Variants in PRSS56 observed in about 807,000 individuals in gnomAD.
PRSS56 encodes protease, serine 56.
PRSS56 carries 55 observed loss-of-function variants against 66.8 expected under a neutral mutation model. The observed-to-expected ratio is 0.82, with a 90% CI of 0.66 to 1.03. The LOEUF is 1.03. PRSS56 is among the 50% of genes least tolerant of loss of function. The probability of loss-of-function intolerance (pLI) is 0.00; values close to 1 mark genes in which losing one functional copy is unlikely to be tolerated. For synonymous variants in PRSS56, 409 were observed against 387.9 expected (o/e 1.05, Z -0.64); for missense variants, 869 against 837.2 (o/e 1.04, Z -0.47).
In PRSS56 at chr2:232,524,023, C is replaced by A. The variant is rs1378774249; in HGVS notation, c.1187-16C>A. 2 of 1,525,652 alleles carry A rather than the reference C, an allele frequency of 1.3e-6. No individual in the cohort carries two copies. Among genetic ancestry groups the A allele is most frequent in the African/African-American group, 1.4e-5 (1 of 71,214 alleles). The allele number at this position is 1,525,652 out of a possible 1,614,324, so 94.5% of individuals were successfully genotyped here. ...CCAGCCTCTGACCGCCGCTCCGACT[C>A]CTGTCCGGTCCGCAGAGCTGCGCTC... On this transcript the variant is annotated splice_polypyrimidine_tract_variant and intron_variant, in intron 9 of 12. Transcript: ENST00000617714.
Position 232,522,685 on chromosome 2 carries a change from C to T in PRSS56, c.547-17C>T, listed in dbSNP as rs1691308096. ...CACCCGTGCTTCCTTGACCCTGCGC[C>T]GCCTCCCCCTCCTCAGTTTGACCCG... On this transcript the variant is annotated splice_polypyrimidine_tract_variant and intron_variant, in intron 5 of 12. Transcript: ENST00000617714. 3 of 1,533,544 alleles carry T rather than the reference C, an allele frequency of 2.0e-6. No homozygotes were observed. The highest frequency in any genetic ancestry group is 2.6e-6 in the Non-Finnish European group (3 of 1,145,494). 95.0% of individuals were successfully genotyped at this position (1,533,544 alleles called of 1,614,324 possible).
Position 232,522,024 on chromosome 2 carries a change from C to A in PRSS56, c.310C>A (p.Arg104Ser). Residue 104 changes from arginine to serine, a missense_variant, in exon 4 of 13, where the codon CGC becomes AGC. Coordinates refer to ENST00000617714, the MANE Select transcript of PRSS56 (RefSeq NM_001195129.2). ...STANVTRAHG[R>S]IVGGSAAPPG... ...TGCCAATGTGACGCGGGCCCACGGCCGCATCGTGGGGGGCAGCGCGGCGCC... is the reference window on the plus strand; with the variant it reads ...TGCCAATGTGACGCGGGCCCACGGCAGCATCGTGGGGGGCAGCGCGGCGCC... The A allele has an allele frequency of 1.4e-6, 2 of 1,457,836 alleles. No homozygotes were observed. Among genetic ancestry groups the A allele is most frequent in the Non-Finnish European group, 1.8e-6 (2 of 1,111,790 alleles). 90.3% of individuals were successfully genotyped at this position (1,457,836 alleles called of 1,614,324 possible). A position where few individuals can be genotyped will look rare whatever the true frequency, so the allele number is the denominator to read the frequency against.
At chr2:232,524,242 G>GCCCCA in intron 10 of PRSS56, 39 bp downstream of exon 10, 2 of 1,534,244 alleles carry the variant, frequency 1.3e-6, no homozygotes, top group Non-Finnish European at 1.7e-6. Context: ...CCCTGGCCCG[G>GCCCCA]CCCCACCCGC....
chr2:232,521,779 G>A, intron 2 of PRSS56, 37 bp from the exon 3 acceptor site: 1 of 1,533,412 alleles, frequency 6.5e-7, no homozygotes, highest in East Asian at 2.4e-5. Context: ...ACAGGCGAGA[G>A]GGCAGCAGTG....
intron 6 of PRSS56, 42 bp downstream of exon 6, chr2:232,522,903 G>T: frequency 6.9e-7 from 1 of 1,449,664 alleles, no homozygotes; most frequent in Non-Finnish European, 9.1e-7. Context: ...GGAAGAACTG[G>T]GGGTCCGAGG....
chr2:232,521,840 C>T lies in PRSS56; in HGVS notation c.230C>T (p.Ala77Val). The change falls in exon 3 of 13, where the codon GCT (alanine) becomes GTT (valine). Residue 77 changes from alanine (A) to valine (V), a missense_variant. Coordinates refer to ENST00000617714, the MANE Select transcript of PRSS56 (RefSeq NM_001195129.2). ...GGATCTGGGCGCCCCAGGCCTCAAG[C>T]TCTCCTCCAGGACCCACCTGAGCCA... ...CRGSGRPRPQ[A>V]LLQDPPEPGP... 1.3e-6 allele frequency: 2 copies of T among 1,536,078 alleles called. No homozygotes were observed. Among genetic ancestry groups the T allele is most frequent in the Non-Finnish European group, 1.7e-6 (2 of 1,146,854 alleles).
Position 232,525,326 on chromosome 2 carries a change from G to C in PRSS56, c.1632G>C (p.Pro544=). 1.3e-6 allele frequency: 2 copies of C among 1,527,644 alleles called. No homozygotes were observed. Among genetic ancestry groups the C allele is most frequent in the Admixed American group, 2.0e-5 (1 of 50,644 alleles). 94.6% of individuals were successfully genotyped at this position (1,527,644 alleles called of 1,614,324 possible). Residue 544 remains proline (P), a synonymous_variant, in exon 13 of 13, where the codon CCG becomes CCC. Coordinates refer to ENST00000617714, the MANE Select transcript of PRSS56 (RefSeq NM_001195129.2). The part of the protein sequence containing the change: ...VAFSGLVGLE[P]ATLARSLPRL... ...TCAGCGGCCTGGTGGGCCTGGAGCC[G>C]GCCACACTGGCTCGCAGCCTCCCCC...
chr2:232,520,492 C>T lies in PRSS56; in HGVS notation c.-107C>T, dbSNP rs2741294. On this transcript the variant is annotated 5_prime_UTR_variant, in exon 1 of 13. Coordinates refer to ENST00000617714, the MANE Select transcript of PRSS56 (RefSeq NM_001195129.2). ...ATTTGAGGGACAAGAATTCAGTGCC[C>T]GGGGGCCGAAAGGCAGCAGAAGGCG... The T allele has an allele frequency of 0.25, 218,084 of 864,374 alleles. 29,660 individuals carry two copies. Among genetic ancestry groups the T allele is most frequent in the East Asian group, 0.46 (17,325 of 37,596 alleles). The allele number at this position is 864,374 out of a possible 1,614,324, so 53.5% of individuals were successfully genotyped here.
intron 1 of PRSS56, 115 bp from the exon 2 acceptor site, chr2:232,521,206 T>C: frequency 1.7e-5 from 13 of 783,684 alleles, no homozygotes; most frequent in Non-Finnish European, 2.5e-5. Flanking sequence ...ACTTGCCTCC[T>C]CATTCTGTCC....
chr2:232,524,432 G>A (rs1691366563), intron 11 of PRSS56, 63 bp downstream of exon 11: 1 of 1,475,430 alleles, frequency 6.8e-7, no homozygotes, highest in South Asian at 1.3e-5. Context: ...GAGGTCGGAA[G>A]CGCTTCTACT....
chr2:232,520,985 C>T (rs935117759), intron 1 of PRSS56, among the ~76,000 whole-genome samples: 2 of 152,122 alleles, frequency 1.3e-5, no homozygotes, highest in African/African-American at 2.4e-5. Context: ...CTGTCCCGGC[C>T]GAAGGTGGGC....
Position 232,523,083 on chromosome 2 carries a change from A to G in PRSS56, c.730A>G (p.Arg244Gly). The change falls in exon 7 of 13, where the codon AGA becomes GGA. Residue 244 changes from arginine to glycine, a missense_variant. This residue lies in a region of PRSS56 where 551 missense variants were observed against 506.9 expected (regional missense o/e 1.09). Transcript: ENST00000617714. ...AGACGGGCCTGAGGCTGAAGCAGTG[A>G]GAGAGGCCCGTGTTCCCCTGCTCAG... ...FEDGPEAEAV[R>G]EARVPLLSTD... 3.9e-6 allele frequency: 6 copies of G among 1,535,058 alleles called. No individual in the cohort carries two copies. The highest frequency in any genetic ancestry group is 5.2e-6 in the Non-Finnish European group (6 of 1,146,316).
chr2:232,520,963 C>G (rs946602030), intron 1 of PRSS56, among the ~76,000 whole-genome samples: 1 of 152,196 alleles, frequency 6.6e-6, no homozygotes, highest in Non-Finnish European at 1.5e-5. Flanking sequence ...CGGGGCAGCA[C>G]CCTGCCCTTG....
Position 232,520,498 on chromosome 2 carries a change from C to T in PRSS56, c.-101C>T. On this transcript the variant is annotated 5_prime_UTR_variant, in exon 1 of 13. Transcript: ENST00000617714. Reference sequence around the variant, plus strand: ...GGGACAAGAATTCAGTGCCCGGGGGCCGAAAGGCAGCAGAAGGCGGGCACC... The same window carrying T: ...GGGACAAGAATTCAGTGCCCGGGGGTCGAAAGGCAGCAGAAGGCGGGCACC... The T allele has an allele frequency of 1.1e-6, 1 of 927,188 alleles. No individual in the cohort carries two copies. Among genetic ancestry groups the T allele is most frequent in the South Asian group, 1.4e-5 (1 of 71,742 alleles). 57.4% of individuals were successfully genotyped at this position (927,188 alleles called of 1,614,324 possible). A position where few individuals can be genotyped will look rare whatever the true frequency, so the allele number is the denominator to read the frequency against.
At chr2:232,524,261 G>C in intron 10 of PRSS56, 46 bp from the exon 11 acceptor site, 1 of 1,534,962 alleles carries the variant, frequency 6.5e-7, no homozygotes, top group South Asian at 1.2e-5. Flanking sequence ...GCGCGGCACA[G>C]CCACTTTCTC....
intron 7 of PRSS56, 22 bp from the exon 8 acceptor site, chr2:232,523,394 G>A: frequency 1.4e-6 from 2 of 1,434,706 alleles, no homozygotes; most frequent in Non-Finnish European, 1.8e-6. Flanking sequence ...TGAATGCAGC[G>A]TCCTCTCTCT....
Position 232,525,614 on chromosome 2 carries a change from G to A in PRSS56, c.*108G>A, listed in dbSNP as rs1294189468. 1.3e-6 allele frequency: 1 copy of A among 742,846 alleles called. No individual in the cohort carries two copies. Among genetic ancestry groups the A allele is most frequent in the Non-Finnish European group, 2.0e-6 (1 of 496,784 alleles). The allele number at this position is 742,846 out of a possible 1,614,324, so 46.0% of individuals were successfully genotyped here. A position where few individuals can be genotyped will look rare whatever the true frequency, so the allele number is the denominator to read the frequency against. ...TCGCTGCCCCAGTGGCTGGGTGTGT[G>A]TGGGTGGGATGGGGTGGGGGTCCTG... On this transcript the variant is annotated 3_prime_UTR_variant, in exon 13 of 13. Coordinates refer to ENST00000617714, the MANE Select transcript of PRSS56 (RefSeq NM_001195129.2).
chr2:232,525,128 T>C lies in PRSS56; in HGVS notation c.1522-88T>C, dbSNP rs1393845819. ...GTTTCCAGGTCTAGGTGAGAGTTTC[T>C]GGGGCCCAGGGGGAGAGGGGGTGAC... On this transcript the variant is annotated intron_variant, in intron 12 of 12. Transcript: ENST00000617714. The C allele has an allele frequency of 4.6e-6, 6 of 1,307,350 alleles. No homozygotes were observed. The African/African-American group carries it at 7.5e-5, about 16-fold the overall frequency. The allele number at this position is 1,307,350 out of a possible 1,614,324, so 81.0% of individuals were successfully genotyped here.
At position 232,524,029 on chromosome 2, in the gene PRSS56, C is replaced by G. The variant is rs769932009; in HGVS notation, c.1187-10C>G. On this transcript the variant is annotated splice_polypyrimidine_tract_variant and intron_variant, in intron 9 of 12. Transcript: ENST00000617714. ...TCTGACCGCCGCTCCGACTCCTGTCCGGTCCGCAGAGCTGCGCTCGCTGGC... is the reference window on the plus strand; with the variant it reads ...TCTGACCGCCGCTCCGACTCCTGTCGGGTCCGCAGAGCTGCGCTCGCTGGC... 59 of 1,525,510 alleles carry G rather than the reference C, an allele frequency of 3.9e-5. No homozygotes were observed. Among genetic ancestry groups the G allele is most frequent in the Non-Finnish European group, 3.0e-5 (34 of 1,143,410 alleles). The allele number at this position is 1,525,510 out of a possible 1,614,324, so 94.5% of individuals were successfully genotyped here.
Sources: allele counts gnomAD v4.1 joint callset (sites outside exome capture counted in the v4.1 genomes callset), GRCh38; gene constraint gnomAD v4.1.1; regional missense constraint gnomAD v4.1.1; transcripts MANE v1.5; gene names NCBI Gene and HGNC (gene_info 2026-07-23, HGNC 2026-07-21).